RABGAP1L: variants seen among roughly 807,000 people sequenced by gnomAD.
The protein encoded by RABGAP1L is RAB GTPase activating protein 1 like, also known as rab GTPase-activating protein 1-like.
Under a neutral mutation model 137.7 loss-of-function variants are expected in RABGAP1L, and 63 were observed. That is an observed-to-expected ratio of 0.46 (90% CI 0.37 to 0.56). The LOEUF is 0.56. Ranked by LOEUF, RABGAP1L falls within the 20% of genes least tolerant of loss-of-function variation. RABGAP1L has a pLI of 0.00. For synonymous variants in RABGAP1L, 431 were observed against 433.7 expected (o/e 0.99, Z 0.08); for missense variants, 1,095 against 1,244.0 (o/e 0.88, Z 1.80).
intron 14 of RABGAP1L, among the ~76,000 whole-genome samples, chr1:174,652,745 G>A (rs1479917101): frequency 6.6e-6 from 1 of 152,174 alleles, no homozygotes; most frequent in Non-Finnish European, 1.5e-5. Context: ...CCCCTGCTGG[G>A]AGGTGTCCCC....
chr1:174,948,509 CAAAAAAAAA>C (rs3086627), intron 19 of RABGAP1L, among the ~76,000 whole-genome samples: 10 of 64,890 alleles, frequency 1.5e-4, no homozygotes, highest in African/African-American at 6.7e-4. Context: ...GACCCTGCCT[CAAAAAAAAA>C]AAAAAAAAAA....
intron 1 of RABGAP1L, among the ~76,000 whole-genome samples, chr1:174,206,703 A>T (rs912763741): frequency 3.3e-5 from 5 of 152,176 alleles, no homozygotes; most frequent in African/African-American, 1.2e-4. Context: ...AGGAAATTAG[A>T]TCACGTGCAC....
intron 11 of RABGAP1L, among the ~76,000 whole-genome samples, chr1:174,361,809 G>C (rs1684167038): frequency 6.6e-6 from 1 of 152,096 alleles, no homozygotes; most frequent in Non-Finnish European, 1.5e-5. Context: ...TAAGTTCTGT[G>C]GTACATGTGC....
In RABGAP1L at chr1:174,652,681, G is replaced by C. The variant is rs532556322; in HGVS notation, c.1824+15193G>C. ...TCCTTCCTCTGGAGGCTTTGTCCTA[G>C]AGAGGCACTCGCCAGATGCCAGCCG... On this transcript the variant is annotated intron_variant, in intron 14 of 25. Coordinates refer to ENST00000681986, the MANE Select transcript of RABGAP1L (RefSeq NM_001366446.1). Among the ~76,000 whole-genome samples the C allele has an allele frequency of 2.6e-5, 4 of 152,298 alleles. No individual in the cohort carries two copies. In the East Asian group the frequency reaches 7.7e-4, roughly 30 times the overall value.
chr1:174,706,030 G>C (rs1184850677), intron 17 of RABGAP1L, among the ~76,000 whole-genome samples: 1 of 152,142 alleles, frequency 6.6e-6, no homozygotes, highest in African/African-American at 2.4e-5. Flanking sequence ...TTTTTAACAT[G>C]TGCAACATGT....
intron 1 of RABGAP1L, among the ~76,000 whole-genome samples, chr1:174,207,184 A>G (rs553279151): frequency 3.9e-5 from 6 of 152,264 alleles, no homozygotes; most frequent in Non-Finnish European, 7.4e-5. Context: ...GTCAGATTTT[A>G]TATTCTGATT....
At chr1:174,530,688 A>C (rs1015938702) in intron 13 of RABGAP1L, among the ~76,000 whole-genome samples, 13 of 152,078 alleles carry the variant, frequency 8.5e-5, no homozygotes, top group African/African-American at 2.9e-4. Context: ...GTTAAATCCC[A>C]GTGTTCTCTC....
Position 174,713,307 on chromosome 1 carries a change from T to C in RABGAP1L, c.2169+11051T>C, listed in dbSNP as rs553679808. 2.6e-5 allele frequency among the ~76,000 whole-genome samples: 4 copies of C among 152,360 alleles called. No individual in the cohort carries two copies. In the South Asian group the frequency reaches 8.3e-4, roughly 32 times the overall value. ...TTTTTTTACTACATATGTATGTATC[T>C]CTGGACAATTTATAATTGAGAATAT... On this transcript the variant is annotated intron_variant, in intron 17 of 25. Transcript: ENST00000681986.
chr1:174,927,159 G>C (rs1573864547), intron 19 of RABGAP1L, among the ~76,000 whole-genome samples: 1 of 151,982 alleles, frequency 6.6e-6, no homozygotes, highest in South Asian at 2.1e-4. Context: ...AGATTTCACT[G>C]TTAAAGATTT....
intron 10 of RABGAP1L, among the ~76,000 whole-genome samples, chr1:174,301,135 A>G (rs981975726): frequency 6.6e-6 from 1 of 151,944 alleles, no homozygotes; most frequent in African/African-American, 2.4e-5. Context: ...GGTGTGAGCA[A>G]GCAAGTGTGG....
At chr1:174,162,775 C>CTTTTTTTTT in intron 1 of RABGAP1L, among the ~76,000 whole-genome samples, 1 of 23,440 alleles carries the variant, frequency 4.3e-5, no homozygotes, top group Non-Finnish European at 8.1e-5. Context: ...TTTTCTCTTT[C>CTTTTTTTTT]TGTTTTTTTT....
chr1:174,848,726 C>G (rs1339267580), intron 19 of RABGAP1L, among the ~76,000 whole-genome samples: 1 of 147,044 alleles, frequency 6.8e-6, no homozygotes, highest in Non-Finnish European at 1.5e-5. Context: ...CAGAGGCAGG[C>G]AGGCCTCCTT....
chr1:174,264,207 C>T (rs1197370740), intron 7 of RABGAP1L, among the ~76,000 whole-genome samples: 2 of 150,754 alleles, frequency 1.3e-5, no homozygotes, highest in African/African-American at 2.4e-5. Context: ...TTTTTATTTC[C>T]CTGGTATTTT....
At chr1:174,335,622 A>C (rs1425909982) in intron 11 of RABGAP1L, among the ~76,000 whole-genome samples, 2 of 152,120 alleles carry the variant, frequency 1.3e-5, no homozygotes, top group Non-Finnish European at 2.9e-5. Context: ...GAAGTTAGAG[A>C]GCTACTTGGT....
chr1:174,607,420 C>T (rs1199525684), intron 13 of RABGAP1L, among the ~76,000 whole-genome samples: 2 of 152,106 alleles, frequency 1.3e-5, no homozygotes, highest in African/African-American at 4.8e-5. Context: ...CACTCTTTTG[C>T]CCCACTTAGC....
chr1:174,785,201 A>G (rs1364904319), intron 18 of RABGAP1L, among the ~76,000 whole-genome samples: 1 of 152,140 alleles, frequency 6.6e-6, no homozygotes, highest in African/African-American at 2.4e-5. Context: ...AGTAGCTGGG[A>G]TTACAGGCAT....
In RABGAP1L at chr1:174,329,725, CTA is replaced by C. The variant is rs553789195; in HGVS notation, c.1465+24600_1465+24601del. 7.7e-4 allele frequency among the ~76,000 whole-genome samples: 117 copies of C among 152,098 alleles called. 3 individuals are homozygous for C. The South Asian group carries it at 0.012, about 16-fold the overall frequency. On this transcript the variant is annotated intron_variant, in intron 11 of 25. Transcript: ENST00000681986. ...CACATTAACAGATTGAAGGATAAAACTATGTGGTCATTTCAATTGATACAGAG... is the reference window on the plus strand; with the variant it reads ...CACATTAACAGATTGAAGGATAAAACTGTGGTCATTTCAATTGATACAGAG...
At chr1:174,273,469 C>G (rs1674721713) in intron 8 of RABGAP1L, among the ~76,000 whole-genome samples, 1 of 151,766 alleles carries the variant, frequency 6.6e-6, no homozygotes, top group East Asian at 1.9e-4. Context: ...GGAAGCACTG[C>G]CTGAATAGGT....
chr1:174,267,548 G>A (rs1440414468), intron 7 of RABGAP1L, among the ~76,000 whole-genome samples: 2 of 152,136 alleles, frequency 1.3e-5, no homozygotes, highest in Non-Finnish European at 2.9e-5. Context: ...AGGAACTCTT[G>A]GAGATACTTC....
Sources: allele counts gnomAD v4.1 joint callset (sites outside exome capture counted in the v4.1 genomes callset), GRCh38; gene constraint gnomAD v4.1.1; transcripts MANE v1.5; gene names NCBI Gene and HGNC (gene_info 2026-07-23, HGNC 2026-07-21).